GALNTL6: variants seen among roughly 807,000 people sequenced by gnomAD.
GALNTL6 encodes polypeptide N-acetylgalactosaminyltransferase like 6.
In GALNTL6, 46 loss-of-function variants were observed where a neutral mutation model predicts 73.7. The ratio of observed to expected loss-of-function variants is 0.62; its 90% CI spans 0.49 to 0.80. The LOEUF (loss-of-function observed/expected upper bound fraction) is 0.80. Among genes scored for constraint, GALNTL6 ranks in the 30% least tolerant of loss-of-function variants. GALNTL6 has a pLI of 0.00. For missense variants in GALNTL6, 604 were observed against 755.0 expected (o/e 0.80, Z 2.34); for synonymous variants, 259 against 263.7 (o/e 0.98, Z 0.17).
At chr4:172,753,479 A>C (rs568162558) in intron 5 of GALNTL6, among the ~76,000 whole-genome samples, 18 of 152,370 alleles carry the variant, frequency 1.2e-4, no homozygotes, top group African/African-American at 4.3e-4. Flanking sequence ...TTTTTCTCAC[A>C]TAAATCTTGG....
chr4:172,559,109 CA>C (rs1448547851), intron 5 of GALNTL6, among the ~76,000 whole-genome samples: 3 of 117,854 alleles, frequency 2.5e-5, no homozygotes, highest in Non-Finnish European at 4.8e-5. Flanking sequence ...CTCTGTCACC[CA>C]GGCTGGAGTG....
At chr4:172,989,213 G>A (rs1418501336) in intron 10 of GALNTL6, among the ~76,000 whole-genome samples, 1 of 152,222 alleles carries the variant, frequency 6.6e-6, no homozygotes, top group East Asian at 1.9e-4. Context: ...GAGTGGAGCT[G>A]CCAAAACTTG....
At position 172,212,641 on chromosome 4, in the gene GALNTL6, C is replaced by T. The variant is rs143550532; in HGVS notation, c.139-17015C>T. 5.5e-3 allele frequency among the ~76,000 whole-genome samples: 842 copies of T among 152,048 alleles called. 14 individuals carry two copies. Among genetic ancestry groups the T allele is most frequent in the African/African-American group, 0.019 (788 of 41,498 alleles). On this transcript the variant is annotated intron_variant, in intron 2 of 12. Transcript: ENST00000506823. Reference sequence around the variant, plus strand: ...GCTCTTCCCTGCCCCTTCATGAACCCCTGGCAACCACTGCTCTTATATTTT... The same window carrying T: ...GCTCTTCCCTGCCCCTTCATGAACCTCTGGCAACCACTGCTCTTATATTTT...
chr4:171,879,508 C>T (rs1038193366), intron 2 of GALNTL6, among the ~76,000 whole-genome samples: 2 of 151,882 alleles, frequency 1.3e-5, no homozygotes, highest in African/African-American at 2.4e-5. Context: ...TGTAATATAT[C>T]GATCACAATA....
At chr4:171,989,650 C>G (rs113245411) in intron 2 of GALNTL6, among the ~76,000 whole-genome samples, 40 of 152,260 alleles carry the variant, frequency 2.6e-4, no homozygotes, top group African/African-American at 9.6e-4. Context: ...TGCCTCTACT[C>G]TTATTACTGC....
intron 2 of GALNTL6, among the ~76,000 whole-genome samples, chr4:171,895,631 G>A (rs894431210): frequency 2.6e-5 from 4 of 152,178 alleles, no homozygotes; most frequent in African/African-American, 7.2e-5. Flanking sequence ...TATTCATGAC[G>A]TCTATGATAA....
At chr4:172,174,349 C>T (rs12644997) in intron 2 of GALNTL6, among the ~76,000 whole-genome samples, 66,493 of 152,008 alleles carry the variant, frequency 0.44, 16,925 homozygotes, top group East Asian at 0.8. Flanking sequence ...AATGGGCCTG[C>T]CTTAGTGAAG....
intron 5 of GALNTL6, among the ~76,000 whole-genome samples, chr4:172,699,639 A>G (rs1733908820): frequency 6.6e-6 from 1 of 152,146 alleles, no homozygotes; most frequent in African/African-American, 2.4e-5. Flanking sequence ...AATCCTCACT[A>G]AGTCCAGGGA....
intron 5 of GALNTL6, among the ~76,000 whole-genome samples, chr4:172,682,121 C>T (rs1225078079): frequency 6.6e-6 from 1 of 152,026 alleles, no homozygotes; most frequent in African/African-American, 2.4e-5. Context: ...GAATTTGGTG[C>T]ACAGAAATAT....
chr4:172,608,346 A>G (rs527488132), intron 5 of GALNTL6, among the ~76,000 whole-genome samples: 1 of 152,142 alleles, frequency 6.6e-6, no homozygotes, highest in East Asian at 1.9e-4. Flanking sequence ...TCTTGGGCCT[A>G]TGGCTAGCCA....
chr4:172,876,510 T>C (rs1745201262), intron 7 of GALNTL6, among the ~76,000 whole-genome samples: 1 of 152,142 alleles, frequency 6.6e-6, no homozygotes, highest in South Asian at 2.1e-4. Context: ...ATCCAGTAAA[T>C]CCAGTTACGC....
At chr4:172,829,207 A>G (rs1742485330) in intron 7 of GALNTL6, among the ~76,000 whole-genome samples, 1 of 152,206 alleles carries the variant, frequency 6.6e-6, no homozygotes, top group Non-Finnish European at 1.5e-5. Flanking sequence ...CAAAACACAG[A>G]CAGGAGAGGA....
intron 11 of GALNTL6, among the ~76,000 whole-genome samples, chr4:173,019,446 C>T (rs1752906787): frequency 6.6e-6 from 1 of 152,110 alleles, no homozygotes; most frequent in African/African-American, 2.4e-5. Context: ...GGTGGTGAGA[C>T]AGTTATAGGA....
intron 2 of GALNTL6, among the ~76,000 whole-genome samples, chr4:171,961,682 T>A (rs1168161417): frequency 6.6e-6 from 1 of 152,314 alleles, no homozygotes; most frequent in East Asian, 1.9e-4. Flanking sequence ...GTTTTTGAGT[T>A]TTTTCTACAA....
intron 10 of GALNTL6, among the ~76,000 whole-genome samples, chr4:172,986,285 G>A (rs1020578747): frequency 1.3e-5 from 2 of 152,216 alleles, no homozygotes; most frequent in African/African-American, 4.8e-5. Context: ...GTATTCACAG[G>A]TGCCTGGGTG....
At chr4:172,519,241 T>A (rs1392617895) in intron 5 of GALNTL6, among the ~76,000 whole-genome samples, 1 of 150,524 alleles carries the variant, frequency 6.6e-6, no homozygotes. Flanking sequence ...AAGATATATT[T>A]AAGATATTTA....
chr4:172,032,184 C>A (rs907518799), intron 2 of GALNTL6, among the ~76,000 whole-genome samples: 1 of 152,056 alleles, frequency 6.6e-6, no homozygotes, highest in African/African-American at 2.4e-5. Context: ...ACAATCTTAT[C>A]CATTACATTT....
chr4:172,025,546 TA>T (rs966099318), intron 2 of GALNTL6, among the ~76,000 whole-genome samples: 1 of 151,854 alleles, frequency 6.6e-6, no homozygotes, highest in Non-Finnish European at 1.5e-5. Flanking sequence ...TTTTATCATT[TA>T]AAAAAAAGGG....
chr4:172,809,369 A>C lies in GALNTL6; in HGVS notation c.562A>C (p.Lys188Gln). 6.2e-7 allele frequency: 1 copy of C among 1,613,440 alleles called. No individual in the cohort carries two copies. The highest frequency in any genetic ancestry group is 8.5e-7 in the Non-Finnish European group (1 of 1,179,604). ...VDDFSEREHLKDKLEEYMARF... is the reference protein window; with the variant it reads ...VDDFSEREHLQDKLEEYMARF... ...CTCTACTTCCTACCTAGAACACCTG[A>C]AGGATAAATTGGAAGAATACATGGC... Residue 188 changes from lysine to glutamine, a missense_variant, in exon 6 of 13, where the codon AAG becomes CAG. Coordinates refer to ENST00000506823, the MANE Select transcript of GALNTL6 (RefSeq NM_001034845.3). The surrounding 1 kb of genome is among the most constrained non-coding windows in gnomAD (Gnocchi z 4.4).
Sources: allele counts gnomAD v4.1 joint callset (sites outside exome capture counted in the v4.1 genomes callset), GRCh38; gene constraint gnomAD v4.1.1; non-coding constraint Gnocchi (gnomAD v3.1); transcripts MANE v1.5; gene names NCBI Gene and HGNC (gene_info 2026-07-23, HGNC 2026-07-21).